POC1B: variants seen among roughly 807,000 people sequenced by gnomAD.
The protein encoded by POC1B is POC1 centriolar protein homolog B.
In POC1B, 44 loss-of-function variants were observed where a neutral mutation model predicts 60.6. The observed-to-expected ratio is 0.73, with a 90% confidence interval of 0.57 to 0.93. The LOEUF is 0.93. POC1B is among the 40% of genes least tolerant of loss of function. POC1B has a pLI of 0.00. For missense variants in POC1B, 555 were observed against 572.3 expected (o/e 0.97, Z 0.31); for synonymous variants, 180 against 198.9 (o/e 0.90, Z 0.80).
chr12:89,525,571 T>G, intron 1 of POC1B: 1 of 1,286,932 alleles, frequency 7.8e-7, no homozygotes, highest in Non-Finnish European at 9.8e-7. Context: ...TTTTAATACT[T>G]CCTAGGTGAT....
intron 2 of POC1B, among the ~76,000 whole-genome samples, chr12:89,512,369 A>AT (rs1047533596): frequency 6.6e-6 from 1 of 152,212 alleles, no homozygotes; most frequent in Non-Finnish European, 1.5e-5. Flanking sequence ...ATTGAATTTA[A>AT]TTTATTCAAA....
rs1038316618 is a variant in POC1B at position 89,514,147 on chromosome 12, T to C, written c.100+10973A>G. ...GGCCTGGAGGGACATGATTGGATCA[T>C]AGGGGCAGAATTCCCCCTTGCCGTT... On this transcript the variant is annotated intron_variant, in intron 2 of 11. Coordinates refer to ENST00000313546, the MANE Select transcript of POC1B (RefSeq NM_172240.3). Among the ~76,000 whole-genome samples the C allele has an allele frequency of 2.8e-4, 43 of 152,098 alleles. 1 individual carries two copies. Among genetic ancestry groups the C allele is most frequent in the Admixed American group, 2.4e-3 (37 of 15,270 alleles).
At chr12:89,406,386 C>T in the POC1B span, among the ~76,000 whole-genome samples, 1 of 152,142 alleles carries the variant, frequency 6.6e-6, no homozygotes. Context: ...AATCATATTG[C>T]ACATAGAGTG....
chr12:89,490,363 T>C (rs935479704), intron 4 of POC1B, among the ~76,000 whole-genome samples: 2 of 152,148 alleles, frequency 1.3e-5, no homozygotes, highest in African/African-American at 2.4e-5. Flanking sequence ...TTTTTTGAGA[T>C]GGAGTCTCAC....
chr12:89,434,516 G>A (rs1881170310), intron 10 of POC1B, among the ~76,000 whole-genome samples: 1 of 152,162 alleles, frequency 6.6e-6, no homozygotes, highest in Admixed American at 6.6e-5. Flanking sequence ...CTTCTTATAT[G>A]ATTAAGAAAA....
chr12:89,524,253 T>G (rs1403097768), intron 2 of POC1B: 1 of 1,613,896 alleles, frequency 6.2e-7, no homozygotes, highest in Non-Finnish European at 8.5e-7. Context: ...TGATGGCGTA[T>G]CTCTCAATGA....
chr12:89,459,523 G>A (rs1160288350), intron 10 of POC1B, 115 bp downstream of exon 10: 1 of 485,634 alleles, frequency 2.1e-6, no homozygotes, highest in Admixed American at 4.3e-5. Context: ...TAAAATGTTA[G>A]GCTACATAGG....
intron 10 of POC1B, among the ~76,000 whole-genome samples, chr12:89,455,348 GA>G (rs1882211452): frequency 6.6e-6 from 1 of 151,616 alleles, no homozygotes; most frequent in African/African-American, 2.4e-5. Flanking sequence ...AAAAAGAAAA[GA>G]AAAAAGAAAA....
At chr12:89,509,933 C>A (rs984072478) in intron 2 of POC1B, among the ~76,000 whole-genome samples, 1 of 152,184 alleles carries the variant, frequency 6.6e-6, no homozygotes, top group African/African-American at 2.4e-5. Context: ...GCAACCTCTG[C>A]CTCCCGGGTT....
chr12:89,441,757 G>A (rs1200289106), intron 10 of POC1B, among the ~76,000 whole-genome samples: 1 of 152,220 alleles, frequency 6.6e-6, no homozygotes, highest in East Asian at 1.9e-4. Flanking sequence ...GAACAAAGCT[G>A]GATGGAGAAT....
chr12:89,524,887 G>A (rs775361782), intron 2 of POC1B: 24 of 686,022 alleles, frequency 3.5e-5, no homozygotes, highest in Middle Eastern at 4.1e-4. Context: ...AAAGTCGTCC[G>A]CCAGGCCCAG....
chr12:89,445,362 C>T (rs1489055516), intron 10 of POC1B, among the ~76,000 whole-genome samples: 1 of 152,138 alleles, frequency 6.6e-6, no homozygotes. Context: ...AACTATACTA[C>T]AAGGGTACAG....
rs150424396 is a variant in POC1B, at chr12:89,473,890, C to T, written c.453-1615G>A. Among the ~76,000 whole-genome samples, 918 of 151,986 alleles carry T rather than the reference C, an allele frequency of 6.0e-3. 5 individuals carry two copies. The highest frequency in any genetic ancestry group is 1.0e-2 in the Non-Finnish European group (678 of 67,980). On this transcript the variant is annotated intron_variant, in intron 4 of 11. Transcript: ENST00000313546. ...GAAAAAAACCTACTCAGTATCCCCA[C>T]GGATAAACTTGGCATAATAATTATA...
intron 2 of POC1B, chr12:89,524,852 C>T (rs1231046831): frequency 1.8e-5 from 11 of 621,264 alleles, no homozygotes; most frequent in Non-Finnish European, 2.2e-5. Context: ...CCTTCCCACT[C>T]ACTCCTCCTG....
At chr12:89,477,994 T>C (rs1297615678) in intron 4 of POC1B, among the ~76,000 whole-genome samples, 1 of 152,166 alleles carries the variant, frequency 6.6e-6, no homozygotes, top group Non-Finnish European at 1.5e-5. Flanking sequence ...TGCTTCAATG[T>C]CACTTCCTCA....
intron 2 of POC1B, chr12:89,502,038 T>C (rs1471775778): frequency 2.0e-6 from 2 of 985,338 alleles, no homozygotes; most frequent in African/African-American, 3.2e-5. Flanking sequence ...ATGAAGATAA[T>C]ATTATGACTG....
At chr12:89,496,934 C>CA (rs1869278816) in intron 3 of POC1B, 3 of 457,386 alleles carry the variant, frequency 6.6e-6, no homozygotes, top group East Asian at 3.7e-5. Flanking sequence ...ACTACTCCCT[C>CA]AAAAAAACTT....
chr12:89,483,820 G>C (rs1176649569), intron 4 of POC1B, among the ~76,000 whole-genome samples: 1 of 152,122 alleles, frequency 6.6e-6, no homozygotes, highest in African/African-American at 2.4e-5. Flanking sequence ...TAAGTGCAGT[G>C]TTTTAGGCAG....
At chr12:89,461,773 T>G (rs898826281) in intron 9 of POC1B, 8 of 152,192 alleles carry the variant, frequency 5.3e-5, no homozygotes, top group African/African-American at 1.9e-4. Context: ...TCAGCTCAGC[T>G]AGCCAAAACC....
Sources: gnomAD v4.1 joint callset for allele counts (sites outside exome capture counted in the v4.1 genomes callset) on GRCh38, gnomAD v4.1.1 for gene constraint, MANE v1.5 for transcripts, NCBI Gene and HGNC (gene_info 2026-07-23, HGNC 2026-07-21) for gene names.